Variants in DIAPH2 observed in about 807,000 individuals in gnomAD.
DIAPH2 encodes the protein protein diaphanous homolog 2.
DIAPH2 carries 35 observed loss-of-function variants against 92.7 expected under a neutral mutation model. The ratio of observed to expected loss-of-function variants is 0.38; its 90% CI spans 0.29 to 0.50. The LOEUF is 0.50. DIAPH2 is among the 20% of genes least tolerant of loss of function. DIAPH2 has a pLI of 0.94. For synonymous variants in DIAPH2, 301 were observed against 280.4 expected (o/e 1.07, Z -0.73); for missense variants, 701 against 819.5 (o/e 0.86, Z 1.77).
chrX:97,055,661 A>C (rs1182573051), intron 17 of DIAPH2, among the ~76,000 whole-genome samples: 1 of 111,167 alleles, frequency 9.0e-6, no homozygotes, highest in Non-Finnish European at 1.9e-5. Flanking sequence ...CAGGGCAAAA[A>C]ATATAAAGTA....
chrX:97,218,467 CAT>C (rs933362247), intron 22 of DIAPH2, among the ~76,000 whole-genome samples: 1 of 111,374 alleles, frequency 9.0e-6, no homozygotes, highest in African/African-American at 3.3e-5. Context: ...GTAATGAACA[CAT>C]ATGTAACAAG....
At chrX:96,830,496 A>G (rs913890700) in intron 4 of DIAPH2, among the ~76,000 whole-genome samples, 6 of 97,002 alleles carry the variant, frequency 6.2e-5, no homozygotes, top group Non-Finnish European at 6.1e-5. Context: ...ACGTGAACCC[A>G]GGAGGCGGAG....
At chrX:96,964,645 T>C (rs931877957) in intron 16 of DIAPH2, among the ~76,000 whole-genome samples, 1 of 111,643 alleles carries the variant, frequency 9.0e-6, no homozygotes, top group Non-Finnish European at 1.9e-5. Context: ...AGTTAATATA[T>C]GCAAATAACT....
chrX:97,258,732 G>A (rs939090386), intron 23 of DIAPH2, among the ~76,000 whole-genome samples: 4 of 101,724 alleles, frequency 3.9e-5, no homozygotes, highest in African/African-American at 1.1e-4. Context: ...TTAGCCGGTC[G>A]TGGTGGCGGG....
chrX:97,167,488 A>G (rs979287729), intron 22 of DIAPH2, among the ~76,000 whole-genome samples: 4 of 111,696 alleles, frequency 3.6e-5, no homozygotes, highest in African/African-American at 1.3e-4. Flanking sequence ...ATGAGAGTAC[A>G]AAAGGCAGAT....
Position 97,061,411 on chromosome X carries a change from A to C in DIAPH2, c.2051-11530A>C, listed in dbSNP as rs1024807950. Among the ~76,000 whole-genome samples, 12 of 112,087 alleles carry C rather than the reference A, an allele frequency of 1.1e-4. 1 individual carries two copies. The highest frequency in any genetic ancestry group is 3.6e-4 in the African/African-American group (11 of 30,850). On this transcript the variant is annotated intron_variant, in intron 17 of 26. Coordinates refer to ENST00000324765, the MANE Select transcript of DIAPH2 (RefSeq NM_006729.5). ...GAAGACTCCAGTTTTTAATTGAATAAAAATTTTTTTCACTTCCTATTTTGC... is the reference window on the plus strand; with the variant it reads ...GAAGACTCCAGTTTTTAATTGAATACAAATTTTTTTCACTTCCTATTTTGC...
At position 97,347,985 on chromosome X, in the gene DIAPH2, C is replaced by G. The variant is rs143635434; in HGVS notation, c.2845-131C>G. On this transcript the variant is annotated intron_variant, in intron 23 of 26. Coordinates refer to ENST00000324765, the MANE Select transcript of DIAPH2 (RefSeq NM_006729.5). ...TGGTATTTTACCATGGCAGCCCTAA[C>G]AAACTAATACACAAGTATTTGTGCA... 2.2e-3 allele frequency: 1,398 copies of G among 627,036 alleles called. 12 individuals carry two copies. In the African/African-American group the frequency reaches 0.029, roughly 13 times the overall value. 51.7% of individuals were successfully genotyped at this position (627,036 alleles called of 1,213,427 possible).
intron 23 of DIAPH2, among the ~76,000 whole-genome samples, chrX:97,259,899 G>A (rs1320680893): frequency 3.6e-5 from 4 of 111,803 alleles, no homozygotes; most frequent in East Asian, 2.8e-4. Flanking sequence ...GAGTGGTCTC[G>A]GCTCACTACA....
intron 16 of DIAPH2, among the ~76,000 whole-genome samples, chrX:96,964,038 TG>T (rs780012989): frequency 3.8e-4 from 42 of 111,324 alleles, no homozygotes; most frequent in Non-Finnish European, 6.6e-4. Flanking sequence ...ATAATATGTC[TG>T]TTTTAAAAGG....
At chrX:96,854,598 C>CTT (rs2065025816) in intron 4 of DIAPH2, among the ~76,000 whole-genome samples, 1 of 37,132 alleles carries the variant, frequency 2.7e-5, no homozygotes, top group Non-Finnish European at 5.2e-5. Flanking sequence ...CTCTCTCTCT[C>CTT]ATATATATAT....
intron 4 of DIAPH2, among the ~76,000 whole-genome samples, chrX:96,874,120 T>C (rs888554502): frequency 2.8e-4 from 31 of 111,837 alleles, no homozygotes; most frequent in African/African-American, 9.4e-4. Flanking sequence ...AATACCACTG[T>C]AATCTGTTTC....
At chrX:97,164,018 A>G (rs889155373) in intron 22 of DIAPH2, among the ~76,000 whole-genome samples, 2 of 112,390 alleles carry the variant, frequency 1.8e-5, no homozygotes, top group African/African-American at 6.5e-5. Context: ...AATTGGCTCA[A>G]TGTATGCATT....
At chrX:96,946,333 T>A (rs763185286) in intron 14 of DIAPH2, among the ~76,000 whole-genome samples, 1 of 111,712 alleles carries the variant, frequency 9.0e-6, no homozygotes, top group Non-Finnish European at 1.9e-5. Context: ...ATAGTATTTC[T>A]GTCCTGTTGT....
chrX:96,759,960 C>T (rs1320527866), intron 4 of DIAPH2, among the ~76,000 whole-genome samples: 4 of 111,411 alleles, frequency 3.6e-5, no homozygotes, highest in Non-Finnish European at 7.6e-5. Context: ...ACTTGAACTG[C>T]ATTATTCAAA....
intron 22 of DIAPH2, among the ~76,000 whole-genome samples, chrX:97,237,240 C>T (rs1200342527): frequency 8.9e-6 from 1 of 111,988 alleles, no homozygotes; most frequent in African/African-American, 3.2e-5. Flanking sequence ...TAAGTAGCCT[C>T]CTTTGACAAC....
chrX:96,742,083 A>G (rs1021001360), intron 3 of DIAPH2, among the ~76,000 whole-genome samples: 1 of 111,673 alleles, frequency 9.0e-6, no homozygotes, highest in Non-Finnish European at 1.9e-5. Context: ...CTGAACTGCT[A>G]ATATTCCCCT....
chrX:96,739,715 C>T (rs761874538), intron 3 of DIAPH2, among the ~76,000 whole-genome samples: 95 of 111,916 alleles, frequency 8.5e-4, no homozygotes, highest in Non-Finnish European at 1.3e-3. Flanking sequence ...TTGACTATTC[C>T]TTCCATCTAG....
chrX:97,588,980 A>T (rs769054393), intron 26 of DIAPH2, among the ~76,000 whole-genome samples: 2 of 50,307 alleles, frequency 4.0e-5, no homozygotes, highest in African/African-American at 1.1e-4. Flanking sequence ...AATGCCAAAA[A>T]TTCAGATATT....
chrX:97,000,620 T>C (rs1237921878), intron 17 of DIAPH2, among the ~76,000 whole-genome samples: 12 of 99,883 alleles, frequency 1.2e-4, no homozygotes, highest in African/African-American at 4.4e-4. Flanking sequence ...TACAAATGAA[T>C]ACACACACAC....
Sources: allele counts gnomAD v4.1 joint callset (sites outside exome capture counted in the v4.1 genomes callset), GRCh38; gene constraint gnomAD v4.1.1; transcripts MANE v1.5; gene names NCBI Gene and HGNC (gene_info 2026-07-23, HGNC 2026-07-21).